STYXL2: variants seen among roughly 807,000 people sequenced by gnomAD.
STYXL2 encodes the protein serine/threonine/tyrosine-interacting-like protein 2.
Under a neutral mutation model 52.4 loss-of-function variants are expected in STYXL2, and 44 were observed. That is an observed-to-expected ratio of 0.84 (90% CI 0.66 to 1.08). The LOEUF (loss-of-function observed/expected upper bound fraction) is 1.08, where lower values mean the gene tolerates loss of function less well. STYXL2 is among the 50% of genes least tolerant of loss of function. STYXL2 has a pLI of 0.00. For missense variants in STYXL2, 1,604 were observed against 1,471.7 expected (o/e 1.09, Z -1.47); for synonymous variants, 604 against 586.9 (o/e 1.03, Z -0.42).
In STYXL2 at chr1:167,127,897, A is replaced by C; in HGVS notation, c.2766A>C (p.Ala922=). ...CSSLAVCDHY[A]SGSRVGKEMD... is the part of the protein sequence containing the mutation. ...CCCTGGCTGTCTGTGATCACTATGC[A>C]AGTGGCAGCAGAGTTGGCAAAGAGA... is the stretch of plus-strand genomic sequence containing the variant. The change falls in exon 6 of 6, where the codon GCA becomes GCC. Residue 922 remains alanine (A), a synonymous_variant. Coordinates refer to ENST00000361200, the MANE Select transcript of STYXL2 (RefSeq NM_001080426.3). The C allele has an allele frequency of 6.2e-7, 1 of 1,614,112 alleles. No individual in the cohort carries two copies. Among genetic ancestry groups the C allele is most frequent in the Non-Finnish European group, 8.5e-7 (1 of 1,180,030 alleles).
At chr1:167,107,163 T>A (rs1209179533) in intron 2 of STYXL2, among the ~76,000 whole-genome samples, 3 of 152,100 alleles carry the variant, frequency 2.0e-5, no homozygotes, top group Admixed American at 2.0e-4. Context: ...TCTAGCTTGG[T>A]GTTCTGGGGG....
intron 2 of STYXL2, among the ~76,000 whole-genome samples, chr1:167,104,297 A>G (rs761688468): frequency 6.6e-6 from 1 of 151,834 alleles, no homozygotes; most frequent in Non-Finnish European, 1.5e-5. Context: ...TTGACTTTAT[A>G]TCTTTCCAAG....
At chr1:167,107,146 T>A (rs557329309) in intron 2 of STYXL2, among the ~76,000 whole-genome samples, 2 of 152,284 alleles carry the variant, frequency 1.3e-5, no homozygotes, top group South Asian at 4.1e-4. Context: ...TGTTGACCAG[T>A]GGCCTTTCTA....
intron 2 of STYXL2, among the ~76,000 whole-genome samples, chr1:167,100,029 G>C (rs929425813): frequency 6.6e-6 from 1 of 152,232 alleles, no homozygotes; most frequent in Non-Finnish European, 1.5e-5. Flanking sequence ...TCATAGCTCT[G>C]GAGGCTGGAA....
rs61748780 is a variant in STYXL2 at position 167,127,798 on chromosome 1, T to A, written c.2667T>A (p.Thr889=). ...GTGTGGGTGATGGGGATGAGGACACTGACAGTGCCATAGGGAGCTTCCGAT... is the reference window on the plus strand; with the variant it reads ...GTGTGGGTGATGGGGATGAGGACACAGACAGTGCCATAGGGAGCTTCCGAT... The part of the protein sequence containing the change: ...DDGVGDGDED[T]DSAIGSFRYS... The change falls in exon 6 of 6, where the codon ACT becomes ACA. Residue 889 remains threonine (T), a synonymous_variant. Coordinates refer to ENST00000361200, the MANE Select transcript of STYXL2 (RefSeq NM_001080426.3). The A allele has an allele frequency of 1.7e-3, 2,779 of 1,613,914 alleles. 5 individuals carry two copies. The highest frequency in any genetic ancestry group is 3.1e-3 in the Middle Eastern group (19 of 6,062).
At chr1:167,095,610 A>G (rs753962731) in intron 2 of STYXL2, among the ~76,000 whole-genome samples, 1 of 152,226 alleles carries the variant, frequency 6.6e-6, no homozygotes, top group Non-Finnish European at 1.5e-5. Flanking sequence ...ATAACATTTT[A>G]AGACAAACCA....
chr1:167,099,155 C>T (rs993398406), intron 2 of STYXL2, among the ~76,000 whole-genome samples: 4 of 151,952 alleles, frequency 2.6e-5, no homozygotes, highest in East Asian at 1.9e-4. Context: ...TTTAATAACA[C>T]AGCCTCAAAA....
intron 2 of STYXL2, among the ~76,000 whole-genome samples, chr1:167,111,495 TATATATATATATATATATAC>T (rs911829070): frequency 8.1e-5 from 4 of 49,478 alleles, no homozygotes; most frequent in African/African-American, 4.8e-4. Context: ...TATATATATA[TATATATATATATATATATAC>T]ACACACACAC....
chr1:167,107,478 G>A (rs1225406759), intron 2 of STYXL2, among the ~76,000 whole-genome samples: 1 of 152,206 alleles, frequency 6.6e-6, no homozygotes, highest in Non-Finnish European at 1.5e-5. Context: ...CTGAAGGGCA[G>A]AGAGTAGGCA....
chr1:167,106,656 G>A (rs1003528794), intron 2 of STYXL2, among the ~76,000 whole-genome samples: 1 of 152,034 alleles, frequency 6.6e-6, no homozygotes, highest in South Asian at 2.1e-4. Context: ...ATAAAATCTG[G>A]GGCTTTGATT....
chr1:167,100,103 C>A (rs1445903793), intron 2 of STYXL2, among the ~76,000 whole-genome samples: 8 of 152,232 alleles, frequency 5.3e-5, no homozygotes, highest in African/African-American at 1.9e-4. Flanking sequence ...TGGCAGATGG[C>A]ATCACATAGC....
At chr1:167,123,005 A>G (rs1359962890) in intron 5 of STYXL2, among the ~76,000 whole-genome samples, 1 of 152,192 alleles carries the variant, frequency 6.6e-6, no homozygotes, top group African/African-American at 2.4e-5. Flanking sequence ...CCTCTTCACA[A>G]TCAGCCCTGC....
In STYXL2 at chr1:167,127,032, G is replaced by T. The variant is rs549179166; in HGVS notation, c.1901G>T (p.Arg634Leu). The change falls in exon 6 of 6, where the codon CGG becomes CTG. Residue 634 changes from arginine to leucine, a missense_variant. By Grantham distance (102) the Arg-to-Leu change is moderately radical. Transcript: ENST00000361200. ...QRRLELLERSRQTLEESQSMA... is the reference protein window; with the variant it reads ...QRRLELLERSLQTLEESQSMA... ...AGGCTGGAGCTGCTGGAGAGAAGCC[G>T]GCAGACGCTGGAGGAGAGCCAGTCT... The T allele has an allele frequency of 6.2e-7, 1 of 1,607,164 alleles. No individual in the cohort carries two copies. Among genetic ancestry groups the T allele is most frequent in the East Asian group, 2.2e-5 (1 of 44,754 alleles).
chr1:167,126,047 G>A lies in STYXL2; in HGVS notation c.916G>A (p.Gly306Arg), dbSNP rs760822237. The stretch of plus-strand genomic sequence containing the variant: ...GGGCGAGGGCACTGGGAGCATGCTC[G>A]GGGCCAGAGTGCACGCCCTGACGGT... ...EEGEGTGSML[G>R]ARVHALTVEE... The change falls in exon 6 of 6, where the codon GGG (glycine) becomes AGG (arginine). Residue 306 changes from glycine to arginine, a missense_variant. Coordinates refer to ENST00000361200, the MANE Select transcript of STYXL2 (RefSeq NM_001080426.3). 17 of 1,580,028 alleles carry A rather than the reference G, an allele frequency of 1.1e-5. No individual in the cohort carries two copies. Among genetic ancestry groups the A allele is most frequent in the South Asian group, 4.7e-5 (4 of 85,112 alleles).
At chr1:167,118,016 G>C (rs1667765633) in intron 4 of STYXL2, among the ~76,000 whole-genome samples, 1 of 152,238 alleles carries the variant, frequency 6.6e-6, no homozygotes, top group Non-Finnish European at 1.5e-5. Context: ...TGCTAATTGA[G>C]CAACAGATGT....
chr1:167,119,535 A>G (rs763362535), intron 5 of STYXL2, 69 bp downstream of exon 5: 299 of 1,411,106 alleles, frequency 2.1e-4, no homozygotes, highest in Middle Eastern at 8.7e-4. Flanking sequence ...GAATGTTATG[A>G]AAACCTGATT....
At position 167,126,607 on chromosome 1, in the gene STYXL2, CCGGAGGTACCA is replaced by C. The variant is rs1558027679; in HGVS notation, c.1479_1489del (p.Arg494GlnfsTer22). On this transcript the variant is annotated frameshift_variant, in exon 6 of 6. Coordinates refer to ENST00000361200, the MANE Select transcript of STYXL2 (RefSeq NM_001080426.3). LOFTEE classifies it low-confidence loss of function (END_TRUNC). The stretch of plus-strand genomic sequence containing the variant: ...TGCTGGAGATTGAGAAGGAGGCTTC[CCGGAGGTACCA>C]CGCCAAGAGCAAGAGAGAGGAGGCG... 1 of 1,614,000 alleles carries C rather than the reference CCGGAGGTACCA, an allele frequency of 6.2e-7. No individual in the cohort carries two copies. Among genetic ancestry groups the C allele is most frequent in the South Asian group, 1.1e-5 (1 of 91,078 alleles).
In STYXL2 at chr1:167,119,238, T is replaced by C; in HGVS notation, c.438-11T>C. The stretch of plus-strand genomic sequence containing the variant: ...CGACTCTTGCAAACAGGTCCCTGCC[T>C]CTTCCCGCAGGAGTGTGGCTGTGAA... On this transcript the variant is annotated splice_polypyrimidine_tract_variant and intron_variant, in intron 4 of 5. Coordinates refer to ENST00000361200, the MANE Select transcript of STYXL2 (RefSeq NM_001080426.3). 1 of 1,613,650 alleles carries C rather than the reference T, an allele frequency of 6.2e-7. No homozygotes were observed. The highest frequency in any genetic ancestry group is 1.1e-5 in the South Asian group (1 of 91,004).
chr1:167,108,726 G>T (rs939713326), intron 2 of STYXL2, among the ~76,000 whole-genome samples: 3 of 152,162 alleles, frequency 2.0e-5, no homozygotes, highest in Non-Finnish European at 4.4e-5. Context: ...CTCACATCAT[G>T]AACCTTTGCT....
Sources: gnomAD v4.1 joint callset for allele counts (sites outside exome capture counted in the v4.1 genomes callset) on GRCh38, gnomAD v4.1.1 for gene constraint, MANE v1.5 for transcripts, NCBI Gene and HGNC (gene_info 2026-07-23, HGNC 2026-07-21) for gene names.